The following POLR3H variants were observed in gnomAD, a reference collection of about 807,000 sequenced individuals.
POLR3H encodes the protein DNA-directed RNA polymerase III subunit RPC8.
In POLR3H, 17 loss-of-function variants were observed where a neutral mutation model predicts 25.5. That is an observed-to-expected ratio of 0.67 (90% CI 0.46 to 1.00). The LOEUF (loss-of-function observed/expected upper bound fraction) is 1.00. POLR3H is among the 50% of genes least tolerant of loss of function. POLR3H has a pLI of 0.00. For missense variants in POLR3H, 274 were observed against 265.0 expected (o/e 1.03, Z -0.24); for synonymous variants, 129 against 103.0 (o/e 1.25, Z -1.53).
chr22:41,544,377 G>GCCCCT lies in POLR3H; in HGVS notation c.-277_-276insAGGGG. 6.3e-6 allele frequency: 2 copies of GCCCCT among 317,750 alleles called. No homozygotes were observed. Among genetic ancestry groups the GCCCCT allele is most frequent in the Non-Finnish European group, 1.1e-5 (2 of 176,416 alleles). 19.7% of individuals were successfully genotyped at this position (317,750 alleles called of 1,614,324 possible). On this transcript the variant is annotated 5_prime_UTR_variant, in exon 1 of 6. Transcript: ENST00000355209. ...GCCACGCCACGCCACTCCACGCCACGCCACTCCACGCCCCGCACCCGCGCC... is the reference window on the plus strand; with the variant it reads ...GCCACGCCACGCCACTCCACGCCACGCCCCTCCACTCCACGCCCCGCACCCGCGCC...
intron 1 of POLR3H, among the ~76,000 whole-genome samples, chr22:41,543,123 A>G (rs1333696908): frequency 2.0e-5 from 3 of 152,194 alleles, no homozygotes; most frequent in South Asian, 4.1e-4. Flanking sequence ...GGAGAGGGAA[A>G]GGAAAAAGTC....
chr22:41,527,873 C>G lies in POLR3H; in HGVS notation c.*1410G>C, dbSNP rs201627918. ...AAGCTCTCCAGGCTAGTCAGGCCCC[C>G]GATGACCGAATGCCGCCTGCTTTCC... is the stretch of plus-strand genomic sequence containing the variant. On this transcript the variant is annotated 3_prime_UTR_variant, in exon 6 of 6. Coordinates refer to ENST00000355209, the MANE Select transcript of POLR3H (RefSeq NM_001018050.4). The G allele has an allele frequency of 5.5e-5, 88 of 1,613,942 alleles. No individual in the cohort carries two copies. The highest frequency in any genetic ancestry group is 7.2e-5 in the Non-Finnish European group (85 of 1,180,000).
chr22:41,537,838 C>CT (rs2066873051), intron 2 of POLR3H, among the ~76,000 whole-genome samples: 1 of 152,006 alleles, frequency 6.6e-6, no homozygotes, highest in African/African-American at 2.4e-5. Context: ...GACGGGGTCT[C>CT]TCTCTGTCAC....
chr22:41,541,293 T>G (rs1601966746), intron 1 of POLR3H, among the ~76,000 whole-genome samples: 1 of 152,170 alleles, frequency 6.6e-6, no homozygotes, highest in East Asian at 1.9e-4. Context: ...GCTCACAGTT[T>G]AGTGAGCGTC....
rs2066980422 is a variant in POLR3H at position 41,544,166 on chromosome 22, A to C, written c.-65T>G. The C allele has an allele frequency of 1.0e-6, 1 of 976,720 alleles. No individual in the cohort carries two copies. The highest frequency in any genetic ancestry group is 1.6e-6 in the Non-Finnish European group (1 of 631,834). 60.5% of individuals were successfully genotyped at this position (976,720 alleles called of 1,614,324 possible). ...TCACGCACCAGGGCCGGGGGCAGGG[A>C]GAATCCCCGAGCCCCTTGGTCCCGT... On this transcript the variant is annotated 5_prime_UTR_variant, in exon 1 of 6. Transcript: ENST00000355209.
Position 41,527,274 on chromosome 22 carries a change from C to T in POLR3H, c.*2009G>A, listed in dbSNP as rs778469721. On this transcript the variant is annotated 3_prime_UTR_variant, in exon 6 of 6. Transcript: ENST00000355209. ...CTCCTCTGCCTTATAACCTTACCCCCGCTTGCCTGACAGAAACATGGCATC... is the reference window on the plus strand; with the variant it reads ...CTCCTCTGCCTTATAACCTTACCCCTGCTTGCCTGACAGAAACATGGCATC... The T allele has an allele frequency of 1.9e-5, 31 of 1,614,010 alleles. No homozygotes were observed. The highest frequency in any genetic ancestry group is 3.3e-4 in the Middle Eastern group (2 of 6,082).
In POLR3H at chr22:41,528,341, G is replaced by T; in HGVS notation, c.*942C>A. The T allele has an allele frequency of 7.8e-7, 1 of 1,277,678 alleles. No homozygotes were observed. Among genetic ancestry groups the T allele is most frequent in the South Asian group, 1.5e-5 (1 of 67,780 alleles). 79.1% of individuals were successfully genotyped at this position (1,277,678 alleles called of 1,614,324 possible). On this transcript the variant is annotated 3_prime_UTR_variant, in exon 6 of 6. Transcript: ENST00000355209. Reference sequence around the variant, plus strand: ...CACCTGGGTCTGACCTGGGCCATCAGGCACAGACTGGCCTAGGATTTGGTT... The same window carrying T: ...CACCTGGGTCTGACCTGGGCCATCATGCACAGACTGGCCTAGGATTTGGTT...
chr22:41,540,622 C>G, intron 2 of POLR3H, 77 bp downstream of exon 2: 1 of 1,133,172 alleles, frequency 8.8e-7, no homozygotes, highest in Non-Finnish European at 1.3e-6. Context: ...ACCACTGAAC[C>G]TGGATTTGGC....
Position 41,527,242 on chromosome 22 carries a change from C to T in POLR3H, c.*2041G>A, listed in dbSNP as rs768954352. The T allele has an allele frequency of 1.2e-5, 19 of 1,613,508 alleles. No individual in the cohort carries two copies. The highest frequency in any genetic ancestry group is 1.7e-5 in the Admixed American group (1 of 59,970). ...GCAGGTAGGGCCAGACAGGTGAGGA[C>T]GGTGCCCTCCTCTGCCTTATAACCT... On this transcript the variant is annotated 3_prime_UTR_variant, in exon 6 of 6. Coordinates refer to ENST00000355209, the MANE Select transcript of POLR3H (RefSeq NM_001018050.4).
chr22:41,526,608 T>C lies in POLR3H; in HGVS notation c.*2675A>G. On this transcript the variant is annotated 3_prime_UTR_variant, in exon 6 of 6. Transcript: ENST00000355209. ...GAAGGGAGGAGAGGCCTGCAGCCCCTCCCTGTGGCTGAGAAGGCATGAGGC... is the reference window on the plus strand; with the variant it reads ...GAAGGGAGGAGAGGCCTGCAGCCCCCCCCTGTGGCTGAGAAGGCATGAGGC... 1.3e-6 allele frequency: 1 copy of C among 759,804 alleles called. No individual in the cohort carries two copies. Among genetic ancestry groups the C allele is most frequent in the Non-Finnish European group, 2.0e-6 (1 of 507,598 alleles). 47.1% of individuals were successfully genotyped at this position (759,804 alleles called of 1,614,324 possible). A position where few individuals can be genotyped will look rare whatever the true frequency, so the allele number is the denominator to read the frequency against.
rs2066707710 is a variant in POLR3H, at chr22:41,530,591, G to C, written c.561+96C>G. ...CAAACAGGATCCCTGACCTGCTGGG[G>C]GAGATCCCAGAGCAGAAGCCCCAGG... is the stretch of plus-strand genomic sequence containing the variant. On this transcript the variant is annotated intron_variant, in intron 5 of 5. Transcript: ENST00000355209. 4 of 1,174,180 alleles carry C rather than the reference G, an allele frequency of 3.4e-6. No homozygotes were observed. In the South Asian group the frequency reaches 6.0e-5, roughly 18 times the overall value. 72.7% of individuals were successfully genotyped at this position (1,174,180 alleles called of 1,614,324 possible).
intron 4 of POLR3H, 22 bp downstream of exon 4, chr22:41,532,072 C>G: frequency 6.2e-7 from 1 of 1,612,550 alleles, no homozygotes; most frequent in Non-Finnish European, 8.5e-7. Context: ...TGTGACAAAC[C>G]ACTTTAACCC....
At chr22:41,541,455 C>T (rs1425406036) in intron 1 of POLR3H, among the ~76,000 whole-genome samples, 1 of 152,244 alleles carries the variant, frequency 6.6e-6, no homozygotes, top group Admixed American at 6.5e-5. Context: ...GTTCAAACGA[C>T]TGGCTACTCA....
chr22:41,533,765 T>C, intron 2 of POLR3H: 1 of 1,269,188 alleles, frequency 7.9e-7, no homozygotes, highest in South Asian at 1.2e-5. Flanking sequence ...AGAGAGCAGA[T>C]GAGGGCGGCC....
chr22:41,530,583 C>T (rs1335164848), intron 5 of POLR3H, 104 bp downstream of exon 5: 36 of 1,098,414 alleles, frequency 3.3e-5, no homozygotes, highest in Non-Finnish European at 4.5e-5. Flanking sequence ...GATCCCTGAC[C>T]TGCTGGGGGA....
Position 41,530,794 on chromosome 22 carries a change from C to T in POLR3H, c.454G>A (p.Val152Met). 1.2e-6 allele frequency: 2 copies of T among 1,614,136 alleles called. No homozygotes were observed. The highest frequency in any genetic ancestry group is 1.7e-6 in the Non-Finnish European group (2 of 1,180,046). ...GTGTCAACAAAGCTCTCGTCCACCA[C>T]CCGGAAGCGGATCTCCTCGCCGGTG... ...MDTGEEIRFR[V>M]VDESFVDTSP... The change falls in exon 5 of 6, where the codon GTG becomes ATG. Residue 152 changes from valine to methionine, a missense_variant. Coordinates refer to ENST00000355209, the MANE Select transcript of POLR3H (RefSeq NM_001018050.4).
intron 5 of POLR3H, 50 bp from the exon 6 acceptor site, chr22:41,529,386 C>T: frequency 6.4e-7 from 1 of 1,560,572 alleles, no homozygotes; most frequent in East Asian, 2.2e-5. Context: ...TGGCTTGAAC[C>T]AACCTGGACA....
intron 5 of POLR3H, among the ~76,000 whole-genome samples, chr22:41,530,418 TTTATCAGTGGTCTTGTCCACCGTGAG>T (rs1299677698): frequency 6.6e-6 from 1 of 152,162 alleles, no homozygotes; most frequent in East Asian, 1.9e-4. Flanking sequence ...TCAAAGCCGC[TTTATCAGTGGTCTTGTCCACCGTGAG>T]CTCTGTCCCC....
At chr22:41,543,619 T>A in intron 1 of POLR3H, 1 of 376,244 alleles carries the variant, frequency 2.7e-6, no homozygotes, top group East Asian at 7.1e-5. Context: ...AGACTCCGTC[T>A]CAAAAACAAA....
Sources: allele counts gnomAD v4.1 joint callset (sites outside exome capture counted in the v4.1 genomes callset), GRCh38; gene constraint gnomAD v4.1.1; transcripts MANE v1.5; gene names NCBI Gene and HGNC (gene_info 2026-07-23, HGNC 2026-07-21).